Variants in RABGAP1L observed in about 807,000 individuals in gnomAD.
RABGAP1L encodes the protein rab GTPase-activating protein 1-like.
In RABGAP1L, 63 loss-of-function variants were observed where a neutral mutation model predicts 137.7. The ratio of observed to expected loss-of-function variants is 0.46; its 90% CI spans 0.37 to 0.56. RABGAP1L has a LOEUF of 0.56. Ranked by LOEUF, RABGAP1L falls within the 20% of genes least tolerant of loss-of-function variation. RABGAP1L has a pLI of 0.00. For synonymous variants in RABGAP1L, 431 were observed against 433.7 expected (o/e 0.99, Z 0.08); for missense variants, 1,095 against 1,244.0 (o/e 0.88, Z 1.80).
chr1:174,219,271 A>G lies in RABGAP1L; in HGVS notation c.114A>G (p.Lys38=). The G allele has an allele frequency of 6.3e-7, 1 of 1,576,328 alleles. No individual in the cohort carries two copies. Among genetic ancestry groups the G allele is most frequent in the South Asian group, 1.2e-5 (1 of 82,808 alleles). Residue 38 remains lysine (K), a synonymous_variant, in exon 2 of 26, where the codon AAA becomes AAG. Coordinates refer to ENST00000681986, the MANE Select transcript of RABGAP1L (RefSeq NM_001366446.1). The stretch of plus-strand genomic sequence containing the variant: ...AGTATGCAGATGATAATTCTACAAA[A>G]CATGAAGAAAAACCTCAACTGAAGG... The part of the protein sequence containing the change: ...VPQYADDNST[K]HEEKPQLKIV...
rs577730101 is a variant in RABGAP1L, at chr1:174,770,298, C to T, written c.2211+17944C>T. On this transcript the variant is annotated intron_variant, in intron 18 of 25. Transcript: ENST00000681986. ...GTAAATGCTAAAACAAACCAACAAA[C>T]ACAAATACTGGGCTTCTAATTAGGA... Among the ~76,000 whole-genome samples the T allele has an allele frequency of 8.3e-4, 126 of 152,196 alleles. 1 individual carries two copies. The Middle Eastern group carries it at 0.01, about 12-fold the overall frequency.
chr1:174,259,343 A>T (rs1033628707), intron 7 of RABGAP1L, among the ~76,000 whole-genome samples: 25 of 152,142 alleles, frequency 1.6e-4, no homozygotes, highest in African/African-American at 6.0e-4. Context: ...GCACTGTTCT[A>T]GGTGGTATTT....
At chr1:174,329,002 T>C (rs1203217678) in intron 11 of RABGAP1L, among the ~76,000 whole-genome samples, 1 of 135,992 alleles carries the variant, frequency 7.4e-6, no homozygotes, top group African/African-American at 2.9e-5. Context: ...ATAATAAGGA[T>C]CAGAGCAAAT....
intron 20 of RABGAP1L, among the ~76,000 whole-genome samples, chr1:174,960,201 A>G (rs997358309): frequency 2.6e-5 from 4 of 152,186 alleles, no homozygotes; most frequent in Admixed American, 1.3e-4. Context: ...TAAAGCCCAC[A>G]TATGTTATAT....
rs1675362368 is a variant in RABGAP1L, at chr1:174,280,048, G to GAGAGA, written c.1323+1269_1323+1270insAGAGA. On this transcript the variant is annotated intron_variant, in intron 10 of 25. Coordinates refer to ENST00000681986, the MANE Select transcript of RABGAP1L (RefSeq NM_001366446.1). ...AGTACTTTTGACTGTCTGTCTGCCT[G>GAGAGA]GAGAGAGAGAGAGAGAGAGAGAGAG... 1.6e-3 allele frequency among the ~76,000 whole-genome samples: 203 copies of GAGAGA among 125,302 alleles called. 1 individual carries two copies. Among genetic ancestry groups the GAGAGA allele is most frequent in the African/African-American group, 5.5e-3 (186 of 33,724 alleles). 82.2% of individuals were successfully genotyped at this position (125,302 alleles called of 152,430 possible). A position where few individuals can be genotyped will look rare whatever the true frequency, so the allele number is the denominator to read the frequency against.
intron 1 of RABGAP1L, among the ~76,000 whole-genome samples, chr1:174,215,124 G>A (rs1399365276): frequency 6.6e-6 from 1 of 152,088 alleles, no homozygotes; most frequent in Non-Finnish European, 1.5e-5. Flanking sequence ...TATATAAGGA[G>A]CGCAAACAAC....
intron 19 of RABGAP1L, among the ~76,000 whole-genome samples, chr1:174,915,227 T>C (rs984309216): frequency 3.3e-5 from 5 of 152,230 alleles, no homozygotes; most frequent in Admixed American, 3.3e-4. Flanking sequence ...AGTTTATGTT[T>C]AACTTTTAAG....
chr1:174,446,045 C>T (rs918617249), intron 13 of RABGAP1L, among the ~76,000 whole-genome samples: 3 of 152,106 alleles, frequency 2.0e-5, no homozygotes, highest in African/African-American at 7.2e-5. Context: ...GCAGGAGGGC[C>T]GAGTCACCTT....
At chr1:174,763,251 G>A (rs1021974997) in intron 18 of RABGAP1L, among the ~76,000 whole-genome samples, 3 of 152,068 alleles carry the variant, frequency 2.0e-5, no homozygotes, top group Admixed American at 6.5e-5. Flanking sequence ...GGGTGTGGTG[G>A]CTCATGCCTG....
At chr1:174,611,113 G>C (rs1472175606) in intron 13 of RABGAP1L, among the ~76,000 whole-genome samples, 1 of 148,620 alleles carries the variant, frequency 6.7e-6, no homozygotes, top group Non-Finnish European at 1.5e-5. Context: ...TTGTGTTTTA[G>C]ACATGAAGTC....
chr1:174,932,585 C>T (rs1664028188), intron 19 of RABGAP1L, among the ~76,000 whole-genome samples: 2 of 152,068 alleles, frequency 1.3e-5, no homozygotes, highest in Admixed American at 1.3e-4. Context: ...GTGATTTCTG[C>T]AAGGTTCTTT....
At chr1:174,958,254 A>G (rs1240456861) in intron 20 of RABGAP1L, 36 of 1,157,368 alleles carry the variant, frequency 3.1e-5, no homozygotes, top group Non-Finnish European at 3.9e-5. Context: ...TATTTGAGTT[A>G]AAGTATGAAG....
At chr1:174,534,797 A>G (rs1319991825) in intron 13 of RABGAP1L, among the ~76,000 whole-genome samples, 4 of 131,254 alleles carry the variant, frequency 3.0e-5, no homozygotes, top group Non-Finnish European at 3.4e-5. Context: ...AAAAAAAAAA[A>G]AAAAAAATAA....
In RABGAP1L at chr1:174,469,052, A is replaced by G. The variant is rs558135947; in HGVS notation, c.1710+74907A>G. On this transcript the variant is annotated intron_variant, in intron 13 of 25. Coordinates refer to ENST00000681986, the MANE Select transcript of RABGAP1L (RefSeq NM_001366446.1). ...GTTTTATACAAAAGTTAAGAACAGA[A>G]CGTTTATATTTGTGTTAAGTATATG... is the stretch of plus-strand genomic sequence containing the variant. Among the ~76,000 whole-genome samples the G allele has an allele frequency of 2.0e-5, 3 of 152,306 alleles. No homozygotes were observed. In the South Asian group the frequency reaches 6.2e-4, roughly 32 times the overall value.
chr1:174,557,888 C>T (rs997177182), intron 13 of RABGAP1L, among the ~76,000 whole-genome samples: 3 of 152,230 alleles, frequency 2.0e-5, no homozygotes, highest in African/African-American at 7.2e-5. Context: ...ACCACATCAA[C>T]TTGGGGTCAG....
intron 3 of RABGAP1L, among the ~76,000 whole-genome samples, chr1:174,225,899 T>C (rs970371935): frequency 1.3e-5 from 2 of 152,102 alleles, no homozygotes; most frequent in African/African-American, 4.8e-5. Flanking sequence ...TATAGGGGCC[T>C]CTTTGCTTTG....
intron 13 of RABGAP1L, among the ~76,000 whole-genome samples, chr1:174,550,831 A>T (rs1666374688): frequency 7.5e-6 from 1 of 134,014 alleles, no homozygotes; most frequent in South Asian, 2.4e-4. Context: ...CATCCTGGCT[A>T]ACACGGTGAA....
chr1:174,499,225 A>G (rs1661025722), intron 13 of RABGAP1L, among the ~76,000 whole-genome samples: 1 of 151,706 alleles, frequency 6.6e-6, no homozygotes, highest in South Asian at 2.1e-4. Flanking sequence ...CTTTTACAGA[A>G]CTTAGAAATT....
intron 13 of RABGAP1L, among the ~76,000 whole-genome samples, chr1:174,505,111 T>G (rs910618669): frequency 2.0e-5 from 3 of 152,124 alleles, no homozygotes; most frequent in African/African-American, 7.2e-5. Context: ...TAAAAAAATG[T>G]TCAGTGCTAT....
Sources: gnomAD v4.1 joint callset for allele counts (sites outside exome capture counted in the v4.1 genomes callset) on GRCh38, gnomAD v4.1.1 for gene constraint, MANE v1.5 for transcripts, NCBI Gene and HGNC (gene_info 2026-07-23, HGNC 2026-07-21) for gene names.